SPTLC3: variants seen among roughly 807,000 people sequenced by gnomAD.
SPTLC3 encodes the protein serine palmitoyltransferase 3.
SPTLC3 carries 36 observed loss-of-function variants against 59.3 expected under a neutral mutation model. The observed-to-expected ratio is 0.61, with a 90% CI of 0.47 to 0.80. The LOEUF is 0.80. SPTLC3 is among the 30% of genes least tolerant of loss of function. The pLI, the probability that SPTLC3 is intolerant of heterozygous loss-of-function variation, is 0.00. For synonymous variants in SPTLC3, 257 were observed against 240.8 expected, an observed-to-expected ratio of 1.07 and a Z score of -0.62; for missense variants, 625 against 685.1, an observed-to-expected ratio of 0.91 and a Z score of 0.98.
chr20:13,069,045 C>A (rs774047980), intron 2 of SPTLC3, among the ~76,000 whole-genome samples: 2 of 152,128 alleles, frequency 1.3e-5, no homozygotes, highest in Non-Finnish European at 2.9e-5. Context: ...CATGACAATG[C>A]ATCTTCATGT....
chr20:13,048,923 G>T lies in SPTLC3; in HGVS notation c.118-22G>T, dbSNP rs760768698. On this transcript the variant is annotated intron_variant, in intron 1 of 11. Coordinates refer to ENST00000399002, the MANE Select transcript of SPTLC3 (RefSeq NM_018327.4). The stretch of plus-strand genomic sequence containing the variant: ...TCTGTAACAGGAGAATGCTAACCTT[G>T]GATTTTCTTTTGTGTTTTCAGCAAA... 2.6e-6 allele frequency: 4 copies of T among 1,531,376 alleles called. 1 individual carries two copies. The South Asian group carries it at 5.3e-5, about 20-fold the overall frequency. 94.9% of individuals were successfully genotyped at this position (1,531,376 alleles called of 1,614,324 possible). A position where few individuals can be genotyped will look rare whatever the true frequency, so the allele number is the denominator to read the frequency against.
At position 13,165,040 on chromosome 20, in the gene SPTLC3, A is replaced by T. The variant is rs549460509; in HGVS notation, c.*173A>T. On this transcript the variant is annotated 3_prime_UTR_variant, in exon 12 of 12. Coordinates refer to ENST00000399002, the MANE Select transcript of SPTLC3 (RefSeq NM_018327.4). ...TTTTAATGTCTCCAGCTTGGACTGC[A>T]GAGACAAAAACATGATTCCAGATTT... The T allele has an allele frequency of 8.4e-5, 47 of 560,216 alleles. No homozygotes were observed. In the African/African-American group the frequency reaches 8.7e-4, roughly 10 times the overall value. The allele number at this position is 560,216 out of a possible 1,614,324, so 34.7% of individuals were successfully genotyped here.
chr20:13,132,209 C>A (rs1266530761), intron 9 of SPTLC3, among the ~76,000 whole-genome samples: 1 of 133,630 alleles, frequency 7.5e-6, no homozygotes, highest in African/African-American at 2.8e-5. Flanking sequence ...TGGAGTCTCA[C>A]TCTGTCACCC....
chr20:13,082,050 G>T lies in SPTLC3; in HGVS notation c.607+7553G>T, dbSNP rs1462237922. On this transcript the variant is annotated intron_variant, in intron 4 of 11. Coordinates refer to ENST00000399002, the MANE Select transcript of SPTLC3 (RefSeq NM_018327.4). ...AACTAGCAGGCATATTTCTGCAAGT[G>T]TAGAATTTAGTCCTATAGGTTCAAC... Among the ~76,000 whole-genome samples the T allele has an allele frequency of 2.0e-5, 3 of 152,288 alleles. No homozygotes were observed. In the East Asian group the frequency reaches 5.8e-4, roughly 29 times the overall value.
chr20:13,087,073 G>C (rs1283546127), intron 4 of SPTLC3, among the ~76,000 whole-genome samples: 1 of 152,160 alleles, frequency 6.6e-6, no homozygotes, highest in Non-Finnish European at 1.5e-5. Flanking sequence ...TGGGATTATA[G>C]GCATGAGCCA....
intron 2 of SPTLC3, among the ~76,000 whole-genome samples, chr20:13,056,355 C>T (rs1012238014): frequency 6.6e-6 from 1 of 152,018 alleles, no homozygotes; most frequent in Non-Finnish European, 1.5e-5. Context: ...TAGAGACTTA[C>T]AGCATTTCAG....
rs537509187 is a variant in SPTLC3 at position 13,054,796 on chromosome 20, T to C, written c.303+5666T>C. On this transcript the variant is annotated intron_variant, in intron 2 of 11. Coordinates refer to ENST00000399002, the MANE Select transcript of SPTLC3 (RefSeq NM_018327.4). The stretch of plus-strand genomic sequence containing the variant: ...GTGGGATACTGTAACATCTTCAGTT[T>C]ATCTTCAGCATGTCGACAGGAATCA... Among the ~76,000 whole-genome samples the C allele has an allele frequency of 2.0e-5, 3 of 152,298 alleles. No homozygotes were observed. In the South Asian group the frequency reaches 6.2e-4, roughly 32 times the overall value.
intron 5 of SPTLC3, among the ~76,000 whole-genome samples, chr20:13,091,626 G>T (rs928083468): frequency 6.6e-6 from 1 of 151,914 alleles, no homozygotes; most frequent in Non-Finnish European, 1.5e-5. Context: ...CTTTTCGTAG[G>T]AGAAACTGAT....
At chr20:13,017,104 G>C (rs998447499) in intron 1 of SPTLC3, among the ~76,000 whole-genome samples, 1 of 152,294 alleles carries the variant, frequency 6.6e-6, no homozygotes, top group Admixed American at 6.5e-5. Context: ...CACTTCCAGA[G>C]AGAAGGGGCC....
rs529834693 is a variant in SPTLC3, at chr20:13,131,138, G to T, written c.1279+4421G>T. On this transcript the variant is annotated intron_variant, in intron 9 of 11. Coordinates refer to ENST00000399002, the MANE Select transcript of SPTLC3 (RefSeq NM_018327.4). ...AAACCACACCGACTCCCCTGAGAAA[G>T]CATTGTCAAAAATCATCTTATTACT... 2.0e-5 allele frequency among the ~76,000 whole-genome samples: 3 copies of T among 152,080 alleles called. No individual in the cohort carries two copies. In the East Asian group the frequency reaches 5.8e-4, roughly 29 times the overall value.
At chr20:13,032,178 A>T (rs768633373) in intron 1 of SPTLC3, among the ~76,000 whole-genome samples, 12 of 152,220 alleles carry the variant, frequency 7.9e-5, no homozygotes, top group Admixed American at 4.6e-4. Context: ...ATAACTCAAT[A>T]AAAGCTCTGT....
intron 4 of SPTLC3, among the ~76,000 whole-genome samples, chr20:13,082,848 A>T (rs1391603748): frequency 6.6e-6 from 1 of 152,194 alleles, no homozygotes; most frequent in African/African-American, 2.4e-5. Flanking sequence ...CTTCATTGAC[A>T]TCGGCACCTG....
chr20:13,083,447 T>C (rs962108058), intron 4 of SPTLC3, among the ~76,000 whole-genome samples: 1 of 152,186 alleles, frequency 6.6e-6, no homozygotes, highest in Non-Finnish European at 1.5e-5. Context: ...TCTCATCTTA[T>C]CATATACTAC....
chr20:13,066,019 C>T (rs1284667510), intron 2 of SPTLC3, among the ~76,000 whole-genome samples: 2 of 152,218 alleles, frequency 1.3e-5, no homozygotes, highest in Non-Finnish European at 1.5e-5. Flanking sequence ...ACAACTTATG[C>T]GTACAACATA....
intron 1 of SPTLC3, among the ~76,000 whole-genome samples, chr20:13,036,946 A>G (rs1986762451): frequency 6.6e-6 from 1 of 152,116 alleles, no homozygotes; most frequent in Admixed American, 6.6e-5. Flanking sequence ...CTCTCATAGC[A>G]AGTCTAGTAT....
intron 4 of SPTLC3, 82 bp downstream of exon 4, chr20:13,074,579 T>C: frequency 7.0e-7 from 1 of 1,432,312 alleles, no homozygotes; most frequent in Non-Finnish European, 9.4e-7. Flanking sequence ...AGATCATATT[T>C]GGACTGTGTC....
At chr20:13,032,623 T>G (rs190796977) in intron 1 of SPTLC3, among the ~76,000 whole-genome samples, 131 of 152,270 alleles carry the variant, frequency 8.6e-4, no homozygotes, top group Non-Finnish European at 1.7e-3. Context: ...CCACCTCTCT[T>G]AACTTTCCCA....
chr20:13,053,107 T>A (rs1246913550), intron 2 of SPTLC3, among the ~76,000 whole-genome samples: 1 of 152,058 alleles, frequency 6.6e-6, no homozygotes, highest in African/African-American at 2.4e-5. Context: ...GGGAGACACC[T>A]CCCAGCAGGG....
intron 9 of SPTLC3, among the ~76,000 whole-genome samples, chr20:13,141,410 TAA>T (rs112008708): frequency 6.6e-6 from 1 of 152,084 alleles, no homozygotes; most frequent in African/African-American, 2.4e-5. Context: ...ACACTTGGTT[TAA>T]AAAAAATCTT....
Sources: allele counts gnomAD v4.1 joint callset (sites outside exome capture counted in the v4.1 genomes callset), GRCh38; gene constraint gnomAD v4.1.1; transcripts MANE v1.5; gene names NCBI Gene and HGNC (gene_info 2026-07-23, HGNC 2026-07-21).